Variants in USP33 observed in about 807,000 individuals in gnomAD.
USP33 encodes the protein ubiquitin carboxyl-terminal hydrolase 33.
In USP33, 46 loss-of-function variants were observed where a neutral mutation model predicts 124.2. The ratio of observed to expected loss-of-function variants is 0.37; its 90% CI spans 0.29 to 0.47. USP33 has a LOEUF of 0.47. Among genes scored for constraint, USP33 ranks in the 20% least tolerant of loss-of-function variants. USP33 has a pLI of 0.99. For missense variants in USP33, 851 were observed against 1,070.6 expected (o/e 0.79, Z 2.86); for synonymous variants, 350 against 352.3 (o/e 0.99, Z 0.07).
At chr1:77,733,596 T>C (rs1328564763) in intron 7 of USP33, among the ~76,000 whole-genome samples, 1 of 152,112 alleles carries the variant, frequency 6.6e-6, no homozygotes, top group East Asian at 1.9e-4. Context: ...AAATACAAAA[T>C]TCAAAATGCT....
Position 77,729,709 on chromosome 1 carries a change from A to G in USP33, c.717+151T>C, listed in dbSNP as rs78436000. 2.3e-3 allele frequency: 1,605 copies of G among 689,070 alleles called. 22 individuals carry two copies. The African/African-American group carries it at 0.025, about 11-fold the overall frequency. 42.7% of individuals were successfully genotyped at this position (689,070 alleles called of 1,614,324 possible). ...AGATAAAGGAAAGTTGAAAAAATAT[A>G]AACAATAAACATGAAAAAGGGTTAC... On this transcript the variant is annotated intron_variant, in intron 9 of 23. Coordinates refer to ENST00000370794, the MANE Select transcript of USP33 (RefSeq NM_201624.3).
intron 6 of USP33, among the ~76,000 whole-genome samples, chr1:77,735,382 T>G (rs904140803): frequency 2.0e-5 from 3 of 152,022 alleles, no homozygotes; most frequent in African/African-American, 7.3e-5. Context: ...ATTCTAAAAA[T>G]CTCTAAAACA....
chr1:77,697,284 G>T lies in USP33; in HGVS notation c.*33C>A, dbSNP rs377410559. The T allele has an allele frequency of 8.9e-5, 138 of 1,547,012 alleles. No homozygotes were observed. The highest frequency in any genetic ancestry group is 1.1e-4 in the Non-Finnish European group (130 of 1,148,104). ...TGTACATGTCAGGGCACATGAAAATGATTCCTCATTAGAACTCTCTACATC... is the reference window on the plus strand; with the variant it reads ...TGTACATGTCAGGGCACATGAAAATTATTCCTCATTAGAACTCTCTACATC... On this transcript the variant is annotated 3_prime_UTR_variant, in exon 24 of 24. Coordinates refer to ENST00000370794, the MANE Select transcript of USP33 (RefSeq NM_201624.3).
At chr1:77,747,156 C>T (rs1679823477) in intron 1 of USP33, among the ~76,000 whole-genome samples, 1 of 151,914 alleles carries the variant, frequency 6.6e-6, no homozygotes, top group South Asian at 2.1e-4. Flanking sequence ...AGATTGCCCT[C>T]TCCCCACTGA....
At chr1:77,722,395 G>C (rs1676669537) in intron 12 of USP33, 199 bp from the exon 13 acceptor site, 1 of 523,552 alleles carries the variant, frequency 1.9e-6, no homozygotes, top group East Asian at 3.4e-5. Context: ...AAACACACTT[G>C]CTCTGTACCA....
rs775329941 is a variant in USP33 at position 77,728,761 on chromosome 1, A to T, written c.718-49T>A. 3.2e-5 allele frequency: 50 copies of T among 1,546,652 alleles called. 1 individual carries two copies. In the South Asian group the frequency reaches 5.0e-4, roughly 16 times the overall value. The stretch of plus-strand genomic sequence containing the variant: ...TAACCACTTCATTACATGTGTATAT[A>T]GAAACGTAAGGGAAAATATACAAAA... On this transcript the variant is annotated intron_variant, in intron 9 of 23. Coordinates refer to ENST00000370794, the MANE Select transcript of USP33 (RefSeq NM_201624.3).
intron 1 of USP33, among the ~76,000 whole-genome samples, chr1:77,757,682 C>CAT (rs1354455535): frequency 6.6e-6 from 1 of 152,208 alleles, no homozygotes; most frequent in East Asian, 1.9e-4. Context: ...ACAGTCTTGT[C>CAT]ATATGTTATA....
intron 6 of USP33, among the ~76,000 whole-genome samples, 191 bp downstream of exon 6, chr1:77,735,865 T>G (rs887151757): frequency 6.6e-6 from 1 of 152,196 alleles, no homozygotes; most frequent in Non-Finnish European, 1.5e-5. Context: ...GGATCCTACC[T>G]TTGGTAAACT....
chr1:77,697,499 T>C, intron 23 of USP33, 25 bp from the exon 24 acceptor site: 6 of 1,584,046 alleles, frequency 3.8e-6, no homozygotes, highest in Non-Finnish European at 5.1e-6. Context: ...GAAGAAATAA[T>C]GTTTACAAAC....
chr1:77,759,316 A>T, intron 1 of USP33: 1 of 331,062 alleles, frequency 3.0e-6, no homozygotes, highest in Middle Eastern at 7.8e-4. Context: ...GAGACCGAGG[A>T]AGGGAGCAGA....
Position 77,714,899 on chromosome 1 carries a change from G to A in USP33, c.2046-116C>T, listed in dbSNP as rs538694045. ...ATTAACACTATCTTTATTAGGTCTTGGGAATTTCAAGAGAAATATACTTTG... is the reference window on the plus strand; with the variant it reads ...ATTAACACTATCTTTATTAGGTCTTAGGAATTTCAAGAGAAATATACTTTG... On this transcript the variant is annotated intron_variant, in intron 18 of 23. Transcript: ENST00000370794. The A allele has an allele frequency of 6.2e-4, 658 of 1,068,848 alleles. 1 individual carries two copies. The highest frequency in any genetic ancestry group is 4.5e-3 in the African/African-American group (283 of 62,322). The allele number at this position is 1,068,848 out of a possible 1,614,324, so 66.2% of individuals were successfully genotyped here. A position where few individuals can be genotyped will look rare whatever the true frequency, so the allele number is the denominator to read the frequency against.
At chr1:77,736,463 A>G (rs1678463994) in intron 5 of USP33, among the ~76,000 whole-genome samples, 1 of 152,212 alleles carries the variant, frequency 6.6e-6, no homozygotes, top group South Asian at 2.1e-4. Context: ...ACAGTAAACC[A>G]TAGCTAAAAA....
chr1:77,733,417 C>T (rs985416259), intron 7 of USP33, among the ~76,000 whole-genome samples: 3 of 151,334 alleles, frequency 2.0e-5, no homozygotes, highest in Non-Finnish European at 2.9e-5. Context: ...AAAAAAAAGT[C>T]TCTTCTTCAA....
intron 22 of USP33, among the ~76,000 whole-genome samples, chr1:77,700,697 CTT>C (rs534786658): frequency 8.0e-4 from 105 of 132,044 alleles, no homozygotes; most frequent in East Asian, 3.2e-3. Context: ...ATATCAGAAT[CTT>C]TTTTTTTTTT....
chr1:77,718,682 A>T (rs894069305), intron 15 of USP33, 41 bp from the exon 16 acceptor site: 1 of 1,477,614 alleles, frequency 6.8e-7, no homozygotes, highest in Non-Finnish European at 9.3e-7. Flanking sequence ...CTACAAAAAA[A>T]CTTAGTATAT....
At chr1:77,721,048 T>C in intron 15 of USP33, 124 bp downstream of exon 15, 1 of 1,033,594 alleles carries the variant, frequency 9.7e-7, no homozygotes, top group Non-Finnish European at 1.4e-6. Context: ...CTATTATTAC[T>C]AGGATAAACC....
intron 21 of USP33, among the ~76,000 whole-genome samples, chr1:77,706,371 C>T (rs1195804039): frequency 2.0e-5 from 3 of 152,186 alleles, no homozygotes; most frequent in Non-Finnish European, 4.4e-5. Context: ...TTTTGCCTAT[C>T]TTCCAATTGG....
At chr1:77,703,073 C>T (rs12021502) in intron 21 of USP33, among the ~76,000 whole-genome samples, 1 of 152,010 alleles carries the variant, frequency 6.6e-6, no homozygotes, top group African/African-American at 2.4e-5. Context: ...TTCACAGATA[C>T]CCTTATAAAA....
chr1:77,740,769 A>T, intron 4 of USP33, 108 bp downstream of exon 4: 1 of 763,208 alleles, frequency 1.3e-6, no homozygotes, highest in Non-Finnish European at 2.2e-6. Context: ...GTTTTAACTT[A>T]GAGTGCAAAT....
Sources: allele counts gnomAD v4.1 joint callset (sites outside exome capture counted in the v4.1 genomes callset), GRCh38; gene constraint gnomAD v4.1.1; transcripts MANE v1.5; gene names NCBI Gene and HGNC (gene_info 2026-07-23, HGNC 2026-07-21).